RAP1A: variants seen among roughly 807,000 people sequenced by gnomAD.
RAP1A encodes the protein ras-related protein Rap-1A.
Under a neutral mutation model 26.4 loss-of-function variants are expected in RAP1A, and 6 were observed. The observed-to-expected ratio is 0.23, with a 90% CI of 0.12 to 0.45. The LOEUF (loss-of-function observed/expected upper bound fraction) is 0.45, where lower values mean the gene tolerates loss of function less well. Ranked by LOEUF, RAP1A falls within the 20% of genes least tolerant of loss-of-function variation. The pLI is 0.99. For missense variants in RAP1A, 121 were observed against 217.2 expected (o/e 0.56, Z 2.78); for synonymous variants, 73 against 79.4 (o/e 0.92, Z 0.43).
intron 1 of RAP1A, among the ~76,000 whole-genome samples, chr1:111,671,883 A>T (rs1301399685): frequency 6.6e-6 from 1 of 152,132 alleles, no homozygotes; most frequent in Non-Finnish European, 1.5e-5. Context: ...ATTCTGTTTC[A>T]TTTACAAACA....
intron 4 of RAP1A, among the ~76,000 whole-genome samples, chr1:111,698,505 G>T (rs560617578): frequency 5.9e-5 from 9 of 152,242 alleles, no homozygotes; most frequent in African/African-American, 2.2e-4. Flanking sequence ...CTGACCTCAA[G>T]TGTTCTTCCT....
chr1:111,569,589 C>T (rs191629919), intron 1 of RAP1A, among the ~76,000 whole-genome samples: 7 of 151,824 alleles, frequency 4.6e-5, no homozygotes, highest in Non-Finnish European at 8.8e-5. Flanking sequence ...CTAGATTATT[C>T]CTAGGCTGTC....
intron 4 of RAP1A, among the ~76,000 whole-genome samples, chr1:111,702,906 A>C (rs1028705895): frequency 6.6e-6 from 1 of 152,192 alleles, no homozygotes; most frequent in African/African-American, 2.4e-5. Flanking sequence ...AGATGATAAA[A>C]ATATTGCTAT....
At chr1:111,568,908 T>TA (rs1191869502) in intron 1 of RAP1A, among the ~76,000 whole-genome samples, 6 of 152,322 alleles carry the variant, frequency 3.9e-5, no homozygotes, top group African/African-American at 1.4e-4. Context: ...TAATTAATAG[T>TA]AAATACATTT....
chr1:111,585,974 G>T (rs1029254205), intron 1 of RAP1A, among the ~76,000 whole-genome samples: 19 of 152,172 alleles, frequency 1.2e-4, no homozygotes, highest in African/African-American at 4.6e-4. Flanking sequence ...TTGCTTGGTT[G>T]ATTTTAGACA....
At chr1:111,605,468 A>G (rs1658751899) in intron 1 of RAP1A, among the ~76,000 whole-genome samples, 1 of 152,250 alleles carries the variant, frequency 6.6e-6, no homozygotes, top group Admixed American at 6.5e-5. Context: ...TCTCTGTGTT[A>G]AGTACAACCA....
chr1:111,547,372 TTAA>T (rs142902386), intron 1 of RAP1A, among the ~76,000 whole-genome samples: 25 of 152,256 alleles, frequency 1.6e-4, no homozygotes, highest in African/African-American at 6.0e-4. Flanking sequence ...CTTTATCCTA[TTAA>T]TATTATATTG....
intron 6 of RAP1A, among the ~76,000 whole-genome samples, chr1:111,708,303 C>T (rs1217892672): frequency 2.0e-5 from 3 of 152,184 alleles, no homozygotes; most frequent in Non-Finnish European, 2.9e-5. Context: ...CATGCGCCTC[C>T]GCATGTGATA....
chr1:111,693,912 A>G (rs1443794661), intron 2 of RAP1A, among the ~76,000 whole-genome samples: 1 of 114,914 alleles, frequency 8.7e-6, no homozygotes, highest in Admixed American at 8.4e-5. Flanking sequence ...TTTTTTTTTT[A>G]AATCTTGAAT....
intron 1 of RAP1A, among the ~76,000 whole-genome samples, chr1:111,562,231 A>C (rs531636645): frequency 5.3e-5 from 8 of 152,026 alleles, no homozygotes; most frequent in African/African-American, 1.9e-4. Context: ...TTCTTCCCCT[A>C]TGTTCCACAT....
chr1:111,609,985 C>G (rs1438298595), intron 1 of RAP1A, among the ~76,000 whole-genome samples: 1 of 152,150 alleles, frequency 6.6e-6, no homozygotes, highest in East Asian at 1.9e-4. Context: ...TATTCTGTAA[C>G]CACCAGCTCT....
chr1:111,606,210 A>T (rs1658773544), intron 1 of RAP1A, among the ~76,000 whole-genome samples: 1 of 152,174 alleles, frequency 6.6e-6, no homozygotes, highest in Admixed American at 6.5e-5. Flanking sequence ...GAATCTATTT[A>T]ACTTTTATAG....
intron 1 of RAP1A, among the ~76,000 whole-genome samples, chr1:111,594,017 A>G (rs1350158358): frequency 6.6e-6 from 1 of 152,186 alleles, no homozygotes; most frequent in Non-Finnish European, 1.5e-5. Flanking sequence ...TTACAAACAG[A>G]GGAAAACAAA....
intron 1 of RAP1A, chr1:111,648,848 G>C (rs1660166406): frequency 1.4e-6 from 1 of 737,950 alleles, no homozygotes; most frequent in African/African-American, 1.7e-5. Flanking sequence ...TGATCTTGCT[G>C]TCCTGAGATT....
intron 1 of RAP1A, among the ~76,000 whole-genome samples, chr1:111,560,689 A>T (rs1197651096): frequency 6.6e-6 from 1 of 151,976 alleles, no homozygotes; most frequent in Non-Finnish European, 1.5e-5. Context: ...ACAGGGACCC[A>T]CTTTGTTGCC....
intron 4 of RAP1A, among the ~76,000 whole-genome samples, chr1:111,702,732 GTATTTTTAGTAGAGGCAGGGTTT>G (rs1244180980): frequency 6.7e-6 from 1 of 149,322 alleles, no homozygotes; most frequent in Non-Finnish European, 1.5e-5. Context: ...GGCTAATGTT[GTATTTTTAGTAGAGGCAGGGTTT>G]CACTGTGTTG....
At chr1:111,649,263 C>T (rs140124628) in intron 1 of RAP1A, 30 of 470,396 alleles carry the variant, frequency 6.4e-5, no homozygotes, top group African/African-American at 4.4e-4. Flanking sequence ...CTCCAGCTTC[C>T]GGTTCTCGGT....
intron 4 of RAP1A, among the ~76,000 whole-genome samples, chr1:111,698,849 C>T (rs1239557154): frequency 6.6e-6 from 1 of 152,078 alleles, no homozygotes; most frequent in Non-Finnish European, 1.5e-5. Flanking sequence ...TCTCCCTCTC[C>T]CACCCTCCTG....
intron 1 of RAP1A, among the ~76,000 whole-genome samples, chr1:111,565,214 G>C (rs570350032): frequency 5.4e-4 from 83 of 152,300 alleles, no homozygotes; most frequent in African/African-American, 1.5e-3. Context: ...TGAACAAAGG[G>C]GGGGAGTGTG....
Sources: allele counts gnomAD v4.1 joint callset (sites outside exome capture counted in the v4.1 genomes callset), GRCh38; gene constraint gnomAD v4.1.1; transcripts MANE v1.5; gene names NCBI Gene and HGNC (gene_info 2026-07-23, HGNC 2026-07-21).